Variants in BCAR3 observed in about 807,000 individuals in gnomAD.
BCAR3 encodes BCAR3 adaptor protein, NSP family member.
In BCAR3, 37 loss-of-function variants were observed where a neutral mutation model predicts 80.1. The observed-to-expected ratio is 0.46, with a 90% CI of 0.36 to 0.61. The LOEUF (loss-of-function observed/expected upper bound fraction) is 0.61. Among genes scored for constraint, BCAR3 ranks in the 20% least tolerant of loss-of-function variants. The pLI is 0.00. For synonymous variants in BCAR3, 389 were observed against 418.9 expected (o/e 0.93, Z 0.87); for missense variants, 978 against 1,068.2 (o/e 0.92, Z 1.18).
chr1:93,592,456 AG>A lies in BCAR3; in HGVS notation c.358-64del. ...GGCCACACCAGGCCATGCCAGCTGGAGGTGACCGCCTGCTTCACTAATCCAA... is the reference window on the plus strand; with the variant it reads ...GGCCACACCAGGCCATGCCAGCTGGAGTGACCGCCTGCTTCACTAATCCAA... On this transcript the variant is annotated intron_variant, in intron 3 of 11. Coordinates refer to ENST00000260502, the MANE Select transcript of BCAR3 (RefSeq NM_003567.4). This position sits in a 1 kb window ranked among gnomAD's most constrained non-coding sequence, Gnocchi z 4.8. 1 of 1,513,998 alleles carries A rather than the reference AG, an allele frequency of 6.6e-7. No individual in the cohort carries two copies. Among genetic ancestry groups the A allele is most frequent in the Non-Finnish European group, 8.8e-7 (1 of 1,139,242 alleles). The allele number at this position is 1,513,998 out of a possible 1,614,324, so 93.8% of individuals were successfully genotyped here. A position where few individuals can be genotyped will look rare whatever the true frequency, so the allele number is the denominator to read the frequency against.
chr1:93,734,850 G>T (rs1650920896), intron 2 of BCAR3, among the ~76,000 whole-genome samples: 1 of 152,160 alleles, frequency 6.6e-6, no homozygotes, highest in Non-Finnish European at 1.5e-5. Context: ...ACGCTTTCCT[G>T]TGGCTGACTC....
intron 2 of BCAR3, among the ~76,000 whole-genome samples, chr1:93,710,582 C>G (rs1330887668): frequency 6.6e-6 from 1 of 152,254 alleles, no homozygotes; most frequent in Middle Eastern, 3.4e-3. Context: ...CAGCAGGTCT[C>G]GACCCCACCA....
intron 9 of BCAR3, among the ~76,000 whole-genome samples, chr1:93,568,944 TC>T (rs1236944162): frequency 6.6e-6 from 1 of 152,170 alleles, no homozygotes; most frequent in Non-Finnish European, 1.5e-5. Flanking sequence ...ACCTCAGCCT[TC>T]TGAGTAGCTG....
chr1:93,603,770 C>T (rs901851803), intron 3 of BCAR3, among the ~76,000 whole-genome samples: 1 of 152,228 alleles, frequency 6.6e-6, no homozygotes, highest in Non-Finnish European at 1.5e-5. Flanking sequence ...TCTGAGGCAG[C>T]CGCAGCTGTG....
At chr1:93,696,697 A>G (rs1435262091) in intron 3 of BCAR3, among the ~76,000 whole-genome samples, 2 of 152,170 alleles carry the variant, frequency 1.3e-5, no homozygotes, top group South Asian at 2.1e-4. Flanking sequence ...TGGAAATTCA[A>G]ATTCCTCAGG....
intron 2 of BCAR3, among the ~76,000 whole-genome samples, chr1:93,787,686 G>T (rs1652996652): frequency 6.6e-6 from 1 of 152,122 alleles, no homozygotes; most frequent in Non-Finnish European, 1.5e-5. Context: ...TACTTGATAT[G>T]ATTTCAATTT....
chr1:93,634,841 A>G (rs1294093271), intron 3 of BCAR3, among the ~76,000 whole-genome samples: 6 of 152,236 alleles, frequency 3.9e-5, no homozygotes. Flanking sequence ...CTGTAAGTTC[A>G]ATAAACCTTT....
At chr1:93,706,750 A>G (rs190341423) in intron 2 of BCAR3, among the ~76,000 whole-genome samples, 9 of 152,390 alleles carry the variant, frequency 5.9e-5, no homozygotes, top group African/African-American at 1.9e-4. Context: ...TGTTTGATAA[A>G]TAAAAGTCCA....
chr1:93,835,432 C>T (rs569039604), intron 2 of BCAR3, among the ~76,000 whole-genome samples: 6 of 152,270 alleles, frequency 3.9e-5, no homozygotes, highest in Non-Finnish European at 7.4e-5. Flanking sequence ...TCCTCCTCTT[C>T]GGTCACTCCC....
intron 2 of BCAR3, among the ~76,000 whole-genome samples, chr1:93,727,162 T>C (rs1160327245): frequency 6.6e-6 from 1 of 152,220 alleles, no homozygotes; most frequent in Non-Finnish European, 1.5e-5. Context: ...GGAACTATGG[T>C]CCTAAAGTGG....
chr1:93,588,947 CAT>C (rs777452438), intron 5 of BCAR3, 28 bp downstream of exon 5: 54 of 1,520,152 alleles, frequency 3.6e-5, no homozygotes, highest in Non-Finnish European at 4.7e-5. Context: ...CGGCGCCCCT[CAT>C]AGTCCTGCAG....
chr1:93,745,318 G>A (rs1038787238), intron 2 of BCAR3, among the ~76,000 whole-genome samples: 3 of 152,322 alleles, frequency 2.0e-5, no homozygotes, highest in African/African-American at 4.8e-5. Context: ...TTTGAAGACC[G>A]ATGAGTTCAC....
chr1:93,848,028 G>A (rs1218003458), upstream of BCAR3: 1 of 160,400 alleles, frequency 6.2e-6, no homozygotes, highest in Admixed American at 6.5e-5. Context: ...GCGGGACTGT[G>A]GTTGCGAGGG....
chr1:93,746,863 A>G (rs2100702906), intron 2 of BCAR3, among the ~76,000 whole-genome samples: 1 of 152,174 alleles, frequency 6.6e-6, no homozygotes, highest in Admixed American at 6.5e-5. Flanking sequence ...GTCAAATCCA[A>G]TGGCTGCTCA....
intron 6 of BCAR3, 51 bp from the exon 7 acceptor site, chr1:93,583,004 AAAAC>A (rs1238313552): frequency 8.6e-6 from 13 of 1,505,646 alleles, no homozygotes; most frequent in Non-Finnish European, 1.1e-5. Flanking sequence ...TGGAGAATAT[AAAAC>A]AAACAAAACC....
intron 3 of BCAR3, among the ~76,000 whole-genome samples, chr1:93,632,488 T>C (rs1675655748): frequency 6.6e-6 from 1 of 152,244 alleles, no homozygotes; most frequent in South Asian, 2.1e-4. Flanking sequence ...TGGGGTAAAC[T>C]ATAATATTCA....
intron 2 of BCAR3, among the ~76,000 whole-genome samples, chr1:93,728,378 G>A (rs1650666568): frequency 1.3e-5 from 2 of 152,224 alleles, no homozygotes; most frequent in African/African-American, 4.8e-5. Context: ...CCCAGTGGGC[G>A]TGTGTTACAG....
chr1:93,674,719 C>G lies in BCAR3; in HGVS notation c.212G>C (p.Gly71Ala). The G allele has an allele frequency of 6.2e-7, 1 of 1,613,822 alleles. No homozygotes were observed. Among genetic ancestry groups the G allele is most frequent in the Non-Finnish European group, 8.5e-7 (1 of 1,179,942 alleles). Residue 71 changes from glycine to alanine, a missense_variant, in exon 2 of 12, where the codon GGC (glycine) becomes GCC (alanine). Transcript: ENST00000260502. ...TGGGGATTTGGAGTGGGGGAGGGTG[C>G]CCATGTGACTGAAGTCATCACAGGA... ...IRSCDDFSHMGTLPHSKSPRQ... is the reference protein window; with the variant it reads ...IRSCDDFSHMATLPHSKSPRQ...
At chr1:93,845,462 T>TTTTATATATATA (rs1557708361) in intron 2 of BCAR3, 2 of 80,172 alleles carry the variant, frequency 2.5e-5, no homozygotes, top group African/African-American at 1.2e-4. Flanking sequence ...CATAACAATT[T>TTTTATATATATA]TATATATATA....
Sources: allele counts gnomAD v4.1 joint callset (sites outside exome capture counted in the v4.1 genomes callset), GRCh38; gene constraint gnomAD v4.1.1; non-coding constraint Gnocchi (gnomAD v3.1); transcripts MANE v1.5; gene names NCBI Gene and HGNC (gene_info 2026-07-23, HGNC 2026-07-21).